The following EBF1 variants were observed in gnomAD, a reference collection of about 807,000 sequenced individuals.
EBF1 encodes the protein transcription factor COE1.
EBF1 carries 10 observed loss-of-function variants against 68.4 expected under a neutral mutation model. That is an observed-to-expected ratio of 0.15 (90% CI 0.09 to 0.25). EBF1 has a LOEUF of 0.25. Ranked by LOEUF, EBF1 falls within the 10% of genes least tolerant of loss-of-function variation. The pLI is 1.00. For synonymous variants in EBF1, 298 were observed against 299.8 expected (o/e 0.99, Z 0.06); for missense variants, 509 against 794.4 (o/e 0.64, Z 4.32).
At chr5:158,943,962 C>A (rs1814079411) in intron 6 of EBF1, among the ~76,000 whole-genome samples, 1 of 152,150 alleles carries the variant, frequency 6.6e-6, no homozygotes, top group East Asian at 1.9e-4. Context: ...TTCCACTGAG[C>A]CCGGACTGCG....
intron 6 of EBF1, among the ~76,000 whole-genome samples, chr5:158,979,725 T>C (rs1395257434): frequency 3.3e-5 from 5 of 152,238 alleles, no homozygotes; most frequent in Non-Finnish European, 7.3e-5. Flanking sequence ...AACTTTTTTT[T>C]TCTTTTTCTA....
chr5:159,052,291 G>A lies in EBF1; in HGVS notation c.554+21105C>T, dbSNP rs1235719475. On this transcript the variant is annotated intron_variant, in intron 6 of 15. Coordinates refer to ENST00000313708, the MANE Select transcript of EBF1 (RefSeq NM_024007.5). ...AAAACCTCCTATCTCAAATCAAAGA[G>A]AAAAACACTACACGTGAAAACTATC... Among the ~76,000 whole-genome samples, 3 of 135,162 alleles carry A rather than the reference G, an allele frequency of 2.2e-5. No homozygotes were observed. The East Asian group carries it at 7.5e-4, about 34-fold the overall frequency. The allele number at this position is 135,162 out of a possible 152,430, so 88.7% of individuals were successfully genotyped here.
intron 6 of EBF1, among the ~76,000 whole-genome samples, chr5:159,054,959 A>G (rs942865758): frequency 6.6e-6 from 1 of 152,218 alleles, no homozygotes; most frequent in African/African-American, 2.4e-5. Context: ...CTACCAATAA[A>G]TTTAAATATA....
chr5:158,906,178 C>T (rs1017202018), intron 6 of EBF1, among the ~76,000 whole-genome samples: 2 of 151,860 alleles, frequency 1.3e-5, no homozygotes, highest in East Asian at 3.9e-4. Flanking sequence ...CTCTCTTTGC[C>T]AGTATGAGTG....
At chr5:159,050,166 CTCTCTCTCTCTCTCTTCTCTCTTT>C (rs1242045274) in intron 6 of EBF1, among the ~76,000 whole-genome samples, 3 of 150,308 alleles carry the variant, frequency 2.0e-5, no homozygotes, top group African/African-American at 7.4e-5. Flanking sequence ...CTCTCTCTCT[CTCTCTCTCTCTCTCTTCTCTCTTT>C]TCTCTCTCTC....
chr5:159,084,317 A>G (rs994593293), intron 5 of EBF1, among the ~76,000 whole-genome samples: 7 of 152,142 alleles, frequency 4.6e-5, no homozygotes, highest in Non-Finnish European at 8.8e-5. Context: ...ACTCTTACTC[A>G]TTTTACTAGC....
chr5:159,044,546 C>A (rs952207157), intron 6 of EBF1, among the ~76,000 whole-genome samples: 27 of 152,168 alleles, frequency 1.8e-4, no homozygotes, highest in African/African-American at 5.8e-4. Flanking sequence ...ATAAACTAAT[C>A]ATTCCTCTCT....
At chr5:158,927,983 T>C (rs1360424452) in intron 6 of EBF1, among the ~76,000 whole-genome samples, 1 of 152,200 alleles carries the variant, frequency 6.6e-6, no homozygotes, top group Non-Finnish European at 1.5e-5. Flanking sequence ...TAAAACCTAT[T>C]TCTCACAACA....
At chr5:158,857,767 G>A (rs1582630956) in intron 6 of EBF1, among the ~76,000 whole-genome samples, 1 of 152,084 alleles carries the variant, frequency 6.6e-6, no homozygotes, top group Non-Finnish European at 1.5e-5. Flanking sequence ...TTGCTTCTTG[G>A]TCTCACCTAG....
rs147900880 is a variant in EBF1 at position 158,981,729 on chromosome 5, C to T, written c.554+91667G>A. Among the ~76,000 whole-genome samples the T allele has an allele frequency of 3.1e-3, 471 of 152,220 alleles. 3 individuals carry two copies. Among genetic ancestry groups the T allele is most frequent in the African/African-American group, 0.011 (444 of 41,544 alleles). On this transcript the variant is annotated intron_variant, in intron 6 of 15. Transcript: ENST00000313708. ...TTGTTGGTTGTGCACATGATATAATCCACAAGCTCCTAACAAAATGGCGCA... is the reference window on the plus strand; with the variant it reads ...TTGTTGGTTGTGCACATGATATAATTCACAAGCTCCTAACAAAATGGCGCA...
At chr5:158,712,945 G>A in intron 13 of EBF1, 25 bp downstream of exon 13, 2 of 1,407,974 alleles carry the variant, frequency 1.4e-6, no homozygotes, top group East Asian at 2.6e-5. Context: ...AGGTTGGGGA[G>A]GGAAGAGAAA....
chr5:159,064,899 C>CT (rs57256923), intron 6 of EBF1, among the ~76,000 whole-genome samples: 27,066 of 68,296 alleles, frequency 0.4, 5,195 homozygotes, highest in East Asian at 0.45. Flanking sequence ...CTCTTTTCAT[C>CT]TTTTTTTTTT....
At chr5:159,072,752 A>C (rs976567883) in intron 6 of EBF1, among the ~76,000 whole-genome samples, 1 of 152,224 alleles carries the variant, frequency 6.6e-6, no homozygotes, top group African/African-American at 2.4e-5. Flanking sequence ...ATTACACCGA[A>C]CAACTAAAAC....
At chr5:159,043,449 C>T (rs1016285539) in intron 6 of EBF1, among the ~76,000 whole-genome samples, 2 of 152,140 alleles carry the variant, frequency 1.3e-5, no homozygotes, top group African/African-American at 4.8e-5. Flanking sequence ...CTGTCTCTCC[C>T]ACTAGACTGT....
rs200693447 is a variant in EBF1, at chr5:159,072,416, G to GT, written c.554+979dup. ...CCAAAAAAGGTAGAAAGAAAGATGG[G>GT]TTTTTTTTTCTTTTGTTGTTGTTGT... is the stretch of plus-strand genomic sequence containing the variant. On this transcript the variant is annotated intron_variant, in intron 6 of 15. Coordinates refer to ENST00000313708, the MANE Select transcript of EBF1 (RefSeq NM_024007.5). Among the ~76,000 whole-genome samples, 380 of 151,408 alleles carry GT rather than the reference G, an allele frequency of 2.5e-3. 3 individuals carry two copies. The highest frequency in any genetic ancestry group is 4.7e-3 in the African/African-American group (193 of 41,288).
intron 6 of EBF1, among the ~76,000 whole-genome samples, chr5:158,965,033 T>C (rs778647607): frequency 6.6e-6 from 1 of 152,200 alleles, no homozygotes; most frequent in African/African-American, 2.4e-5. Flanking sequence ...ACTAGAGATA[T>C]CGTGTTGTTT....
rs569338412 is a variant in EBF1 at position 159,048,531 on chromosome 5, G to C, written c.554+24865C>G. ...TAGCCTCTTGTACTTCTGGAGCCTG[G>C]CTCTAGGAGGCACATTTTACTCTGT... On this transcript the variant is annotated intron_variant, in intron 6 of 15. Transcript: ENST00000313708. 5.3e-5 allele frequency among the ~76,000 whole-genome samples: 8 copies of C among 152,276 alleles called. No homozygotes were observed. The East Asian group carries it at 1.5e-3, about 29-fold the overall frequency.
intron 6 of EBF1, among the ~76,000 whole-genome samples, chr5:158,872,344 G>A (rs974466334): frequency 6.6e-5 from 10 of 151,940 alleles, no homozygotes; most frequent in African/African-American, 2.4e-4. Flanking sequence ...CTACAGGTAT[G>A]CACCACTATG....
intron 6 of EBF1, among the ~76,000 whole-genome samples, chr5:159,001,666 A>G (rs1446717451): frequency 1.3e-5 from 2 of 152,146 alleles, no homozygotes; most frequent in Admixed American, 1.3e-4. Flanking sequence ...GTTGACACTA[A>G]AGTTGTTTAG....
Sources: allele counts gnomAD v4.1 joint callset (sites outside exome capture counted in the v4.1 genomes callset), GRCh38; gene constraint gnomAD v4.1.1; transcripts MANE v1.5; gene names NCBI Gene and HGNC (gene_info 2026-07-23, HGNC 2026-07-21).